INSRR: variants seen among roughly 807,000 people sequenced by gnomAD.
The protein encoded by INSRR is insulin receptor related receptor.
In INSRR, 114 loss-of-function variants were observed where a neutral mutation model predicts 130.0. The observed-to-expected ratio is 0.88, with a 90% CI of 0.75 to 1.02. The LOEUF (loss-of-function observed/expected upper bound fraction) is 1.02, where lower values mean the gene tolerates loss of function less well. Ranked by LOEUF, INSRR falls within the 50% of genes least tolerant of loss-of-function variation. The pLI, the probability that INSRR is intolerant of heterozygous loss-of-function variation, is 0.00. For missense variants in INSRR, 1,657 were observed against 1,735.2 expected (o/e 0.95, Z 0.80); for synonymous variants, 674 against 705.2 (o/e 0.96, Z 0.70).
Position 156,844,722 on chromosome 1 carries a change from G to A in INSRR, c.2559C>T (p.Tyr853=). The A allele has an allele frequency of 1.2e-6, 2 of 1,614,152 alleles. No homozygotes were observed. Among genetic ancestry groups the A allele is most frequent in the Non-Finnish European group, 1.7e-6 (2 of 1,180,028 alleles). ...NGLILKYEIK[Y]RRLGEEATVL... ...GGGCACCTACCTCTCCCAAGCGGCGGTACTTGATTTCGTACTTGAGGATGA... is the reference window on the plus strand; with the variant it reads ...GGGCACCTACCTCTCCCAAGCGGCGATACTTGATTTCGTACTTGAGGATGA... The change falls in exon 13 of 22, where the codon TAC becomes TAT. Residue 853 remains tyrosine (Y), a synonymous_variant. Transcript: ENST00000368195.
chr1:156,847,394 C>T (rs1655049463), intron 7 of INSRR, among the ~76,000 whole-genome samples: 2 of 152,190 alleles, frequency 1.3e-5, no homozygotes, highest in East Asian at 3.8e-4. Context: ...GGGGAAGCAT[C>T]ACTGGCTTTA....
rs1410910688 is a variant in INSRR, at chr1:156,849,460, C to G, written c.1230G>C (p.Gly410=). The change falls in exon 6 of 22, where the codon GGG becomes GGC. Residue 410 remains glycine (G), a splice_region_variant and synonymous_variant. Transcript: ENST00000368195. ...TGTCCAGCACGTAGAGAGTGTAGTT[C>G]CTGGGGGAGGCCAGGGGACCTTGCT... ...KLIRGDAMVD[G]NYTLYVLDNQ... The G allele has an allele frequency of 3.9e-6, 6 of 1,532,894 alleles. No homozygotes were observed. Among genetic ancestry groups the G allele is most frequent in the South Asian group, 1.1e-5 (1 of 90,162 alleles). The allele number at this position is 1,532,894 out of a possible 1,614,324, so 95.0% of individuals were successfully genotyped here.
At position 156,845,110 on chromosome 1, in the gene INSRR, G is replaced by A; in HGVS notation, c.2403C>T (p.Ala801=). The stretch of plus-strand genomic sequence containing the variant: ...TGGTGCGCGCAAAGACGAAGGTGGC[G>A]GCGCTGCAGCCCACGGTGTGCGCCG... ...NHAAHTVGCS[A]ATFVFARTMP... Residue 801 remains alanine (A), a synonymous_variant, in exon 12 of 22, where the codon GCC becomes GCT. Transcript: ENST00000368195. 1 of 1,610,970 alleles carries A rather than the reference G, an allele frequency of 6.2e-7. No homozygotes were observed. Among genetic ancestry groups the A allele is most frequent in the East Asian group, 2.2e-5 (1 of 44,766 alleles).
rs745372114 is a variant in INSRR, at chr1:156,843,061, T to C, written c.3069A>G (p.Glu1023=). The change falls in exon 17 of 22, where the codon GAA becomes GAG. Residue 1023 remains glutamate, a synonymous_variant. Coordinates refer to ENST00000368195, the MANE Select transcript of INSRR (RefSeq NM_014215.3). ...KTVNELASPR[E]CIEFLKEASV... ...AAGCTTCCTTGAGGAACTCAATGCATTCCCGTGGGCTGGCCAGCTCATTCA... is the reference window on the plus strand; with the variant it reads ...AAGCTTCCTTGAGGAACTCAATGCACTCCCGTGGGCTGGCCAGCTCATTCA... 6.2e-6 allele frequency: 10 copies of C among 1,614,178 alleles called. No individual in the cohort carries two copies. The South Asian group carries it at 9.9e-5, about 16-fold the overall frequency.
rs1226914144 is a variant in INSRR at position 156,844,638 on chromosome 1, A to G, written c.2575-14T>C. On this transcript the variant is annotated splice_polypyrimidine_tract_variant and intron_variant, in intron 13 of 21. Transcript: ENST00000368195. ...CACTGTGGCCTCCTGAGAGTAACGC[A>G]GAACAGCTGGCTGGGAAGGCGATGT... The G allele has an allele frequency of 6.2e-7, 1 of 1,614,008 alleles. No individual in the cohort carries two copies. Among genetic ancestry groups the G allele is most frequent in the East Asian group, 2.2e-5 (1 of 44,870 alleles).
chr1:156,846,355 C>G (rs369614273), intron 8 of INSRR, among the ~76,000 whole-genome samples, 164 bp downstream of exon 8: 1 of 152,168 alleles, frequency 6.6e-6, no homozygotes, highest in African/African-American at 2.4e-5. Context: ...CCCGCAAGGA[C>G]CTAGGCAAAT....
At chr1:156,851,227 T>G (rs1170811769) in intron 5 of INSRR, 63 bp downstream of exon 5, 3 of 1,598,016 alleles carry the variant, frequency 1.9e-6, no homozygotes, top group Non-Finnish European at 2.6e-6. Context: ...TCTTCACCAC[T>G]GTTCTGGGAG....
intron 19 of INSRR, 39 bp from the exon 20 acceptor site, chr1:156,841,833 T>A (rs773970933): frequency 3.7e-6 from 6 of 1,613,948 alleles, no homozygotes; most frequent in African/African-American, 1.3e-5. Flanking sequence ...GTGTGGGGCA[T>A]AAGAGCCACG....
intron 7 of INSRR, among the ~76,000 whole-genome samples, chr1:156,847,213 T>C (rs1655044441): frequency 6.6e-6 from 1 of 152,224 alleles, no homozygotes; most frequent in African/African-American, 2.4e-5. Flanking sequence ...CCTCCCAAAC[T>C]ATAGCAAAGT....
intron 4 of INSRR, 42 bp from the exon 5 acceptor site, chr1:156,851,476 T>C (rs1386557646): frequency 6.2e-7 from 1 of 1,612,602 alleles, no homozygotes; most frequent in Non-Finnish European, 8.5e-7. Flanking sequence ...GCAAGGAAGG[T>C]GATGGGTCTG....
At chr1:156,841,829 G>A (rs1654799003) in intron 19 of INSRR, 35 bp from the exon 20 acceptor site, 10 of 1,613,924 alleles carry the variant, frequency 6.2e-6, no homozygotes, top group Non-Finnish European at 8.5e-6. Flanking sequence ...GGAGGTGTGG[G>A]GCATAAGAGC....
chr1:156,857,244 A>C (rs1352827548), intron 1 of INSRR, among the ~76,000 whole-genome samples: 1 of 151,348 alleles, frequency 6.6e-6, no homozygotes, highest in Non-Finnish European at 1.5e-5. Flanking sequence ...TACACACACA[A>C]AAAAGAGGGA....
At chr1:156,844,685 C>T (rs1654924966) in intron 13 of INSRR, 22 bp downstream of exon 13, 3 of 1,613,846 alleles carry the variant, frequency 1.9e-6, no homozygotes, top group African/African-American at 1.3e-5. Flanking sequence ...GGGGCTGGGA[C>T]GGGGGTCCCA....
chr1:156,843,004 C>T lies in INSRR; in HGVS notation c.3126G>A (p.Val1042=), dbSNP rs1654856044. Residue 1042 remains valine (V), a splice_region_variant and synonymous_variant, in exon 17 of 22, where the codon GTG becomes GTA. Coordinates refer to ENST00000368195, the MANE Select transcript of INSRR (RefSeq NM_014215.3). ...SVMKAFKCHH[V]VRLLGVVSQG... ...GACAATGCCCTTGGCTCTCCCTTAC[C>T]ACATGGTGACACTTGAAGGCTTTCA... 6.2e-7 allele frequency: 1 copy of T among 1,610,586 alleles called. No individual in the cohort carries two copies. Among genetic ancestry groups the T allele is most frequent in the East Asian group, 2.2e-5 (1 of 44,822 alleles).
intron 2 of INSRR, 133 bp downstream of exon 2, chr1:156,853,619 G>A (rs919903448): frequency 1.1e-6 from 1 of 921,878 alleles, no homozygotes. Context: ...TTCCTTACCT[G>A]CCTCATAGGA....
chr1:156,841,063 A>G lies in INSRR; in HGVS notation c.3704T>C (p.Leu1235Pro). 6.3e-7 allele frequency: 1 copy of G among 1,579,794 alleles called. No homozygotes were observed. The highest frequency in any genetic ancestry group is 8.6e-7 in the Non-Finnish European group (1 of 1,162,288). Residue 1235 changes from leucine (L) to proline (P), a missense_variant, in exon 22 of 22, where the codon CTG becomes CCG. Leu to Pro is a moderately conservative substitution (Grantham distance 98). Transcript: ENST00000368195. ...MSRCWQPNPR[L>P]RPSFTHILDS... Reference sequence around the variant, plus strand: ...CAGAATGTGTGTGAAAGATGGGCGCAGGCGTGGGTTCGGCTGCCAGCAGCG... The same window carrying G: ...CAGAATGTGTGTGAAAGATGGGCGCGGGCGTGGGTTCGGCTGCCAGCAGCG...
chr1:156,857,706 T>G (rs1655458874), intron 1 of INSRR, among the ~76,000 whole-genome samples: 1 of 152,172 alleles, frequency 6.6e-6, no homozygotes, highest in East Asian at 1.9e-4. Context: ...CCCCTGCCCC[T>G]GGGAGCCCCC....
In INSRR at chr1:156,844,275, C is replaced by T; in HGVS notation, c.2743G>A (p.Glu915Lys). Residue 915 changes from glutamate to lysine, a missense_variant, in exon 15 of 22, where the codon GAG (glutamate) becomes AAG (lysine). Physicochemically the swap from Glu to Lys is moderately conservative, Grantham distance 56 (BLOSUM62 1). Transcript: ENST00000368195. ...AGGACATGCAGCCCCCCAGCATCCT[C>T]CTCCTCTGGCAGTCAGAGGGCAGCA... is the stretch of plus-strand genomic sequence containing the variant. The part of the protein sequence containing the change: ...VAFYILGPEE[E>K]DAGGLHVLLT... The T allele has an allele frequency of 6.2e-7, 1 of 1,612,620 alleles. No individual in the cohort carries two copies. Among genetic ancestry groups the T allele is most frequent in the Non-Finnish European group, 8.5e-7 (1 of 1,179,042 alleles).
Position 156,846,931 on chromosome 1 carries a change from T to G in INSRR, c.1572-174A>C, listed in dbSNP as rs560373794. Among the ~76,000 whole-genome samples the G allele has an allele frequency of 3.3e-5, 5 of 152,292 alleles. No individual in the cohort carries two copies. In the South Asian group the frequency reaches 1.0e-3, roughly 32 times the overall value. ...AGGGGGGGCGGAGGAGGGGAGGGAC[T>G]GTGATATCTGTGTCAGTGAAATTTG... On this transcript the variant is annotated intron_variant, in intron 7 of 21. Transcript: ENST00000368195.
Sources: gnomAD v4.1 joint callset for allele counts (sites outside exome capture counted in the v4.1 genomes callset) on GRCh38, gnomAD v4.1.1 for gene constraint, MANE v1.5 for transcripts, NCBI Gene and HGNC (gene_info 2026-07-23, HGNC 2026-07-21) for gene names.